RAPGEF3: variants seen among roughly 807,000 people sequenced by gnomAD.
RAPGEF3 encodes 9330170P05Rik.
Under a neutral mutation model 129.8 loss-of-function variants are expected in RAPGEF3, and 103 were observed. The observed-to-expected ratio is 0.79, with a 90% CI of 0.68 to 0.93. The LOEUF is 0.93. RAPGEF3 is among the 40% of genes least tolerant of loss of function. The pLI is 0.00. For missense variants in RAPGEF3, 1,117 were observed against 1,207.4 expected (o/e 0.93, Z 1.11); for synonymous variants, 436 against 482.6 (o/e 0.90, Z 1.26).
Position 47,749,782 on chromosome 12 carries a change from T to G in RAPGEF3, c.853A>C (p.Ile285Leu). 6.2e-7 allele frequency: 1 copy of G among 1,614,198 alleles called. No individual in the cohort carries two copies. The highest frequency in any genetic ancestry group is 8.5e-7 in the Non-Finnish European group (1 of 1,180,036). Residue 285 changes from isoleucine to leucine, a missense_variant, in exon 9 of 28, where the codon ATT becomes CTT. Ile to Leu is a conservative substitution (Grantham distance 5). Transcript: ENST00000449771. This position sits in a 1 kb window ranked among gnomAD's most constrained non-coding sequence, Gnocchi z 4.5. ...ACGTTGACAGATCCCTTCCAGATAA[T>G]GTACCACGAAGTGCCCTTGTCCCCC... ...SQGDKGTSWYIIWKGSVNVVT... is the reference protein window; with the variant it reads ...SQGDKGTSWYLIWKGSVNVVT...
chr12:47,756,762 C>A (rs545165396), intron 2 of RAPGEF3, among the ~76,000 whole-genome samples: 1 of 152,058 alleles, frequency 6.6e-6, no homozygotes, highest in East Asian at 1.9e-4. Flanking sequence ...CGAGGTCAAG[C>A]GATCAAGACC....
At chr12:47,741,998 T>C in intron 18 of RAPGEF3, 1 of 200,420 alleles carries the variant, frequency 5.0e-6, no homozygotes, top group Non-Finnish European at 1.1e-5. Flanking sequence ...GGGAAGTGTC[T>C]TATATAAGCC....
At chr12:47,739,664 C>T in intron 23 of RAPGEF3, 1 of 366,730 alleles carries the variant, frequency 2.7e-6, no homozygotes, top group South Asian at 2.6e-5. Flanking sequence ...CCTCAAAATC[C>T]TCAAAAGTTC....
chr12:47,738,367 T>C, intron 25 of RAPGEF3, 120 bp from the exon 26 acceptor site: 1 of 1,347,740 alleles, frequency 7.4e-7, no homozygotes, highest in South Asian at 1.2e-5. Flanking sequence ...AGATCCTTGG[T>C]TATGTGGCAT....
rs767040334 is a variant in RAPGEF3 at position 47,757,909 on chromosome 12, A to G, written c.176T>C (p.Leu59Pro). The change falls in exon 2 of 28, where the codon CTG (leucine) becomes CCG (proline). Residue 59 changes from leucine (L) to proline (P), a missense_variant. This residue lies in a region of RAPGEF3 where 367 missense variants were observed against 373.4 expected (regional missense o/e 0.98). Transcript: ENST00000449771. ...GCAGCTCGGACGCTGGTGCTCCAGC[A>G]GCAGCTGGTAGGAGCAGCTTCGGGG... ...HRPRSCSYQL[L>P]LEHQRPSCIQ... 2 of 1,557,048 alleles carry G rather than the reference A, an allele frequency of 1.3e-6. No individual in the cohort carries two copies. Among genetic ancestry groups the G allele is most frequent in the South Asian group, 2.4e-5 (2 of 84,492 alleles).
intron 2 of RAPGEF3, chr12:47,753,808 C>G (rs965302371): frequency 2.6e-5 from 4 of 152,254 alleles, no homozygotes; most frequent in African/African-American, 9.6e-5. Context: ...AGCACCAGCC[C>G]CCTTCCTGGT....
At chr12:47,758,203 A>C in intron 1 of RAPGEF3, 125 bp from the exon 2 acceptor site, 1 of 1,440,548 alleles carries the variant, frequency 6.9e-7, no homozygotes, top group Non-Finnish European at 9.1e-7. Context: ...GAGGTGCTGC[A>C]ACCCTGCCAG....
intron 2 of RAPGEF3, among the ~76,000 whole-genome samples, chr12:47,757,651 T>C (rs1942161303): frequency 6.6e-6 from 1 of 151,956 alleles, no homozygotes; most frequent in Non-Finnish European, 1.5e-5. Flanking sequence ...ACAGAGACAT[T>C]TGGGCAGAAC....
At chr12:47,743,382 C>G in intron 18 of RAPGEF3, 148 bp downstream of exon 18, 1 of 1,094,986 alleles carries the variant, frequency 9.1e-7, no homozygotes, top group Non-Finnish European at 1.3e-6. Flanking sequence ...TTCGAACAGA[C>G]GCACTCCACC....
At chr12:47,746,920 A>T (rs1941455014) in intron 15 of RAPGEF3, 21 bp from the exon 16 acceptor site, 1 of 1,602,694 alleles carries the variant, frequency 6.2e-7, no homozygotes, top group African/African-American at 1.3e-5. Flanking sequence ...GAGAGAAGGG[A>T]GGTGAGTGAG....
chr12:47,744,729 T>A (rs1030755570), intron 16 of RAPGEF3: 10 of 154,056 alleles, frequency 6.5e-5, no homozygotes, highest in Non-Finnish European at 1.4e-4. Context: ...CCCTGCTTTT[T>A]TCCGACTCTG....
In RAPGEF3 at chr12:47,737,178, C is replaced by G; in HGVS notation, c.*389G>C. 1 of 252,470 alleles carries G rather than the reference C, an allele frequency of 4.0e-6. No homozygotes were observed. The highest frequency in any genetic ancestry group is 7.7e-6 in the Non-Finnish European group (1 of 129,180). The allele number at this position is 252,470 out of a possible 1,614,324, so 15.6% of individuals were successfully genotyped here. A position where few individuals can be genotyped will look rare whatever the true frequency, so the allele number is the denominator to read the frequency against. ...CGGTACACACATGCAGCCTCTCTCT[C>G]TCTCTCTGTCCACTGTGAAAATAAA... On this transcript the variant is annotated 3_prime_UTR_variant, in exon 28 of 28. Transcript: ENST00000449771.
In RAPGEF3 at chr12:47,743,605, C is replaced by G. The variant is rs748055367; in HGVS notation, c.1750G>C (p.Glu584Gln). 1.2e-6 allele frequency: 2 copies of G among 1,614,038 alleles called. No individual in the cohort carries two copies. Among genetic ancestry groups the G allele is most frequent in the South Asian group, 2.2e-5 (2 of 91,092 alleles). The change falls in exon 18 of 28, where the codon GAG becomes CAG. Residue 584 changes from glutamate to glutamine, a missense_variant. Physicochemically the swap from Glu to Gln is conservative, Grantham distance 29. Around this residue, in one of 3 missense-constraint regions of RAPGEF3, gnomAD observed 643 missense variants for 673.4 expected, o/e 0.95. Transcript: ENST00000449771. ...TCCTGGGCCAACGCTGCCATCACCT[C>G]TCTCACGGAGGCTGTCACAGGCAGC... ...LQLPVTASVREVMAALAQEDG... is the reference protein window; with the variant it reads ...LQLPVTASVRQVMAALAQEDG...
At chr12:47,742,341 GCC>G (rs1424047240) in intron 18 of RAPGEF3, 2 of 152,258 alleles carry the variant, frequency 1.3e-5, no homozygotes, top group African/African-American at 2.4e-5. Context: ...TCTAAACAGT[GCC>G]TGGCACATAG....
intron 3 of RAPGEF3, 31 bp from the exon 4 acceptor site, chr12:47,751,860 G>A (rs538445473): frequency 1.9e-6 from 3 of 1,613,992 alleles, no homozygotes; most frequent in African/African-American, 1.3e-5. Flanking sequence ...AGCAGTTCAG[G>A]CTCTGAACCC....
rs550766341 is a variant in RAPGEF3 at position 47,738,764 on chromosome 12, G to A, written c.2462-10C>T. 1 of 1,604,546 alleles carries A rather than the reference G, an allele frequency of 6.2e-7. No individual in the cohort carries two copies. The highest frequency in any genetic ancestry group is 8.5e-7 in the Non-Finnish European group (1 of 1,171,326). On this transcript the variant is annotated splice_polypyrimidine_tract_variant and intron_variant, in intron 24 of 27. Coordinates refer to ENST00000449771, the MANE Select transcript of RAPGEF3 (RefSeq NM_001098531.4). The stretch of plus-strand genomic sequence containing the variant: ...TGAATGAAGGTCATGTCTGCAAAGA[G>A]ATGGGTTTTGTTCATAGGTCCCCAA...
rs1941743970 is a variant in RAPGEF3, at chr12:47,751,505, G to A, written c.396C>T (p.Gly132=). ...CCAAGATCCCATCCACCAGCTCCCGGCCAGAGCAGCACTGCCTATGGAAGG... is the reference window on the plus strand; with the variant it reads ...CCAAGATCCCATCCACCAGCTCCCGACCAGAGCAGCACTGCCTATGGAAGG... ...HLRLYRQCCS[G]RELVDGILAL... is the part of the protein sequence containing the mutation. The change falls in exon 5 of 28, where the codon GGC becomes GGT. Residue 132 remains glycine, a synonymous_variant. Coordinates refer to ENST00000449771, the MANE Select transcript of RAPGEF3 (RefSeq NM_001098531.4). 3.7e-6 allele frequency: 6 copies of A among 1,614,204 alleles called. No individual in the cohort carries two copies. The African/African-American group carries it at 6.7e-5, about 18-fold the overall frequency.
Position 47,740,210 on chromosome 12 carries a change from T to C in RAPGEF3, c.2323-19A>G, listed in dbSNP as rs771106493. ...GCAGCCGCTGTGAAAAGGAGGCAGA[T>C]GAGCGGCTGCTCTGGGGGAGGCCCA... On this transcript the variant is annotated intron_variant, in intron 22 of 27. Transcript: ENST00000449771. 8 of 1,613,612 alleles carry C rather than the reference T, an allele frequency of 5.0e-6. No homozygotes were observed. Among genetic ancestry groups the C allele is most frequent in the South Asian group, 1.1e-5 (1 of 91,084 alleles).
Position 47,758,761 on chromosome 12 carries a change from A to C in RAPGEF3, c.-205T>G. 2.5e-6 allele frequency: 2 copies of C among 812,098 alleles called. No homozygotes were observed. Among genetic ancestry groups the C allele is most frequent in the Non-Finnish European group, 3.0e-6 (2 of 657,196 alleles). 50.3% of individuals were successfully genotyped at this position (812,098 alleles called of 1,614,324 possible). A position where few individuals can be genotyped will look rare whatever the true frequency, so the allele number is the denominator to read the frequency against. On this transcript the variant is annotated 5_prime_UTR_variant, in exon 1 of 28. Transcript: ENST00000449771. ...GGAGAGGCTCCTCTTGGGTGAGTAG[A>C]GGGGTGGGGGCGTGGTGGGGGGACG...
Sources: allele counts gnomAD v4.1 joint callset (sites outside exome capture counted in the v4.1 genomes callset), GRCh38; gene constraint gnomAD v4.1.1; regional missense constraint gnomAD v4.1.1; non-coding constraint Gnocchi (gnomAD v3.1); transcripts MANE v1.5; gene names NCBI Gene and HGNC (gene_info 2026-07-23, HGNC 2026-07-21).